TEAD1: variants seen among roughly 807,000 people sequenced by gnomAD.
TEAD1 encodes TEA domain transcription factor 1, also known as transcriptional enhancer factor TEF-1.
A neutral mutation model predicts 54.9 loss-of-function variants in TEAD1; 9 were observed. That is an observed-to-expected ratio of 0.16 (90% CI 0.10 to 0.29). The LOEUF is 0.29. TEAD1 is among the 10% of genes least tolerant of loss of function. The pLI, the probability that TEAD1 is intolerant of heterozygous loss-of-function variation, is 1.00. For synonymous variants in TEAD1, 200 were observed against 187.8 expected, an observed-to-expected ratio of 1.07 and a Z score of -0.53; for missense variants, 387 against 535.9, an observed-to-expected ratio of 0.72 and a Z score of 2.74.
intron 3 of TEAD1, among the ~76,000 whole-genome samples, chr11:12,769,977 A>T (rs1290912728): frequency 6.6e-6 from 1 of 152,232 alleles, no homozygotes; most frequent in African/African-American, 2.4e-5. Flanking sequence ...AAGTGGCTAG[A>T]AAAAAAGAAG....
chr11:12,778,291 G>A (rs1283562613), intron 3 of TEAD1, among the ~76,000 whole-genome samples: 2 of 152,096 alleles, frequency 1.3e-5, no homozygotes, highest in Non-Finnish European at 2.9e-5. Flanking sequence ...CTGCTGCCTG[G>A]CTAGGGTGGA....
At chr11:12,844,063 A>AT (rs1947092097) in intron 3 of TEAD1, among the ~76,000 whole-genome samples, 1 of 152,216 alleles carries the variant, frequency 6.6e-6, no homozygotes, top group Admixed American at 6.5e-5. Context: ...TTTAACTTGA[A>AT]TTTATATAAA....
intron 10 of TEAD1, among the ~76,000 whole-genome samples, chr11:12,919,874 A>G (rs1279109133): frequency 1.3e-5 from 2 of 152,178 alleles, no homozygotes; most frequent in Non-Finnish European, 2.9e-5. Flanking sequence ...CAAATTAGCA[A>G]GCACATTATC....
At chr11:12,925,119 C>T (rs1314240161) in intron 11 of TEAD1, 67 bp downstream of exon 11, 1 of 1,577,090 alleles carries the variant, frequency 6.3e-7, no homozygotes, top group Non-Finnish European at 8.7e-7. Context: ...TTAAACCTTC[C>T]TTGGGGCAGA....
At chr11:12,865,661 G>A (rs539363467) in intron 5 of TEAD1, 1 of 151,994 alleles carries the variant, frequency 6.6e-6, no homozygotes, top group Admixed American at 6.5e-5. Flanking sequence ...ATATTTTATA[G>A]GAAAAATGGG....
intron 2 of TEAD1, among the ~76,000 whole-genome samples, chr11:12,763,010 T>C (rs932775936): frequency 6.6e-6 from 1 of 152,224 alleles, no homozygotes; most frequent in Non-Finnish European, 1.5e-5. Context: ...GCCTCCTCTT[T>C]TCGATCAATC....
chr11:12,778,922 TC>T (rs946403895), intron 3 of TEAD1, among the ~76,000 whole-genome samples: 1 of 152,116 alleles, frequency 6.6e-6, no homozygotes, highest in African/African-American at 2.4e-5. Context: ...AAGACCCCAC[TC>T]CCCTGTTTAC....
In TEAD1 at chr11:12,924,912, G is replaced by A; in HGVS notation, c.874G>A (p.Ala292Thr). ...CACACCTCCATTTCCTTTCCAACAG[G>A]CTGATTTAAACTGCAATATTCAAGA... Residue 292 changes from alanine to threonine, a missense_variant and splice_region_variant, in exon 11 of 13, where the codon GCT becomes ACT. Coordinates refer to ENST00000527636, the MANE Select transcript of TEAD1 (RefSeq NM_021961.6). The A allele has an allele frequency of 6.2e-7, 1 of 1,614,088 alleles. No individual in the cohort carries two copies. Among genetic ancestry groups the A allele is most frequent in the Non-Finnish European group, 8.5e-7 (1 of 1,180,012 alleles).
At chr11:12,850,756 CA>C (rs1185675658) in intron 3 of TEAD1, among the ~76,000 whole-genome samples, 6 of 152,094 alleles carry the variant, frequency 3.9e-5, no homozygotes, top group Non-Finnish European at 5.9e-5. Flanking sequence ...TCTCTAAGGC[CA>C]AATAATTAAT....
At chr11:12,699,035 C>A (rs1269604933) in intron 2 of TEAD1, among the ~76,000 whole-genome samples, 4 of 152,036 alleles carry the variant, frequency 2.6e-5, no homozygotes, top group Non-Finnish European at 5.9e-5. Context: ...GAAAAGTCCT[C>A]CAATTTAAAA....
At chr11:12,724,813 C>T (rs1324663467) in intron 2 of TEAD1, among the ~76,000 whole-genome samples, 1 of 152,162 alleles carries the variant, frequency 6.6e-6, no homozygotes, top group Non-Finnish European at 1.5e-5. Context: ...AGGCTGGCTC[C>T]TTTGTACTGG....
At position 12,883,022 on chromosome 11, in the gene TEAD1, C is replaced by T; in HGVS notation, c.596C>T (p.Pro199Leu). 1 of 1,614,192 alleles carries T rather than the reference C, an allele frequency of 6.2e-7. No individual in the cohort carries two copies. The highest frequency in any genetic ancestry group is 8.5e-7 in the Non-Finnish European group (1 of 1,180,026). Reference sequence around the variant, plus strand: ...TCAGGGTTTGAGCCTGCATCGGCCCCAGCTCCCTCAGTCCCTGCCTGGCAA... The same window carrying T: ...TCAGGGTTTGAGCCTGCATCGGCCCTAGCTCCCTCAGTCCCTGCCTGGCAA... The change falls in exon 9 of 13, where the codon CCA (proline) becomes CTA (leucine). Residue 199 changes from proline (P) to leucine (L), a missense_variant. This residue lies in a region of TEAD1 where 180 missense variants were observed against 180.6 expected (regional missense o/e 1.00). Coordinates refer to ENST00000527636, the MANE Select transcript of TEAD1 (RefSeq NM_021961.6).
chr11:12,930,511 C>G (rs1334216226), intron 12 of TEAD1, among the ~76,000 whole-genome samples, 185 bp downstream of exon 12: 2 of 152,142 alleles, frequency 1.3e-5, no homozygotes, highest in Non-Finnish European at 1.5e-5. Flanking sequence ...GGGCTTGATT[C>G]TGTAGAAGAG....
At chr11:12,709,060 G>C (rs967707112) in intron 2 of TEAD1, among the ~76,000 whole-genome samples, 6 of 152,164 alleles carry the variant, frequency 3.9e-5, no homozygotes, top group African/African-American at 1.4e-4. Context: ...AATTTGGGCT[G>C]GGTGCGGTAG....
intron 10 of TEAD1, among the ~76,000 whole-genome samples, chr11:12,924,561 ATC>A (rs1948874327): frequency 6.6e-6 from 1 of 152,202 alleles, no homozygotes; most frequent in Non-Finnish European, 1.5e-5. Flanking sequence ...TTTAAAAAAT[ATC>A]TCTAAAGATG....
At chr11:12,782,059 A>G (rs1260833187) in intron 3 of TEAD1, among the ~76,000 whole-genome samples, 1 of 150,834 alleles carries the variant, frequency 6.6e-6, no homozygotes, top group Non-Finnish European at 1.5e-5. Flanking sequence ...CTGAGGTGGG[A>G]GGATCACCTG....
Position 12,864,825 on chromosome 11 carries a change from C to A in TEAD1, c.268-13C>A. 6.2e-7 allele frequency: 1 copy of A among 1,614,000 alleles called. No homozygotes were observed. The highest frequency in any genetic ancestry group is 8.5e-7 in the Non-Finnish European group (1 of 1,179,950). On this transcript the variant is annotated splice_polypyrimidine_tract_variant and intron_variant, in intron 4 of 12. Coordinates refer to ENST00000527636, the MANE Select transcript of TEAD1 (RefSeq NM_021961.6). ...GCTTTTCCTTTGTTTTCCTCCCTTC[C>A]CCTACCCTGCAGGTGTCTAGTCACA... is the stretch of plus-strand genomic sequence containing the variant.
At chr11:12,821,927 C>G (rs563713831) in intron 3 of TEAD1, among the ~76,000 whole-genome samples, 2 of 144,150 alleles carry the variant, frequency 1.4e-5, no homozygotes, top group African/African-American at 5.1e-5. Flanking sequence ...TCTCTTTCCT[C>G]TTTTCCTATA....
At chr11:12,913,088 C>T (rs949165520) in intron 10 of TEAD1, among the ~76,000 whole-genome samples, 4 of 152,104 alleles carry the variant, frequency 2.6e-5, no homozygotes, top group Admixed American at 6.5e-5. Flanking sequence ...GTGCCATAGT[C>T]GGGGTGGCTG....
Sources: gnomAD v4.1 joint callset for allele counts (sites outside exome capture counted in the v4.1 genomes callset) on GRCh38, gnomAD v4.1.1 for gene constraint, gnomAD v4.1.1 regional missense constraint, MANE v1.5 for transcripts, NCBI Gene and HGNC (gene_info 2026-07-23, HGNC 2026-07-21) for gene names.